KCND2: variants seen among roughly 807,000 people sequenced by gnomAD.
KCND2 encodes the protein A-type voltage-gated potassium channel KCND2.
In KCND2, 16 loss-of-function variants were observed where a neutral mutation model predicts 54.4. The observed-to-expected ratio is 0.29, with a 90% CI of 0.20 to 0.45. KCND2 has a LOEUF of 0.45. KCND2 is among the 20% of genes least tolerant of loss of function. The pLI, the probability that KCND2 is intolerant of heterozygous loss-of-function variation, is 1.00. For missense variants in KCND2, 486 were observed against 824.2 expected (o/e 0.59, Z 5.02); for synonymous variants, 317 against 310.7 (o/e 1.02, Z -0.21).
intron 1 of KCND2, among the ~76,000 whole-genome samples, chr7:120,447,782 C>T (rs1265773873): frequency 2.0e-5 from 3 of 151,992 alleles, no homozygotes; most frequent in Admixed American, 2.0e-4. Flanking sequence ...ATCTTAAATT[C>T]TTTTGGGTTT....
intron 1 of KCND2, among the ~76,000 whole-genome samples, chr7:120,568,788 A>G (rs1792329315): frequency 6.6e-6 from 1 of 152,142 alleles, no homozygotes; most frequent in South Asian, 2.1e-4. Context: ...GGATAAAACA[A>G]GTTAATTTAG....
intron 1 of KCND2, among the ~76,000 whole-genome samples, chr7:120,451,783 T>G (rs1365668578): frequency 7.9e-5 from 12 of 152,202 alleles, no homozygotes; most frequent in Admixed American, 7.9e-4. Flanking sequence ...CTGGTGCTGT[T>G]GTAACTCGTG....
At chr7:120,549,214 T>C (rs372778139) in intron 1 of KCND2, among the ~76,000 whole-genome samples, 1 of 152,186 alleles carries the variant, frequency 6.6e-6, no homozygotes, top group African/African-American at 2.4e-5. Flanking sequence ...AACTGTATTA[T>C]AATTGAGTGA....
chr7:120,469,000 G>A (rs1422853585), intron 1 of KCND2, among the ~76,000 whole-genome samples: 2 of 146,576 alleles, frequency 1.4e-5, no homozygotes, highest in Admixed American at 1.4e-4. Flanking sequence ...AAAGATCTTT[G>A]TGGTTATGGT....
chr7:120,453,812 C>T (rs1369262416), intron 1 of KCND2, among the ~76,000 whole-genome samples: 1 of 152,168 alleles, frequency 6.6e-6, no homozygotes, highest in Non-Finnish European at 1.5e-5. Flanking sequence ...AGAGTCCAGG[C>T]ACAATGGCTC....
rs955471534 is a variant in KCND2, at chr7:120,403,477, G to A, written c.1115+127730G>A. On this transcript the variant is annotated intron_variant, in intron 1 of 5. Coordinates refer to ENST00000331113, the MANE Select transcript of KCND2 (RefSeq NM_012281.3). ...ATTACAGGCGATGGCTACCAGGCCC[G>A]GCTAATTTTTTTTTTTTTTTTTTTG... Among the ~76,000 whole-genome samples, 6 of 145,368 alleles carry A rather than the reference G, an allele frequency of 4.1e-5. No individual in the cohort carries two copies. The East Asian group carries it at 8.9e-4, about 22-fold the overall frequency.
chr7:120,402,159 T>A (rs60376461), intron 1 of KCND2, among the ~76,000 whole-genome samples: 15,765 of 152,226 alleles, frequency 0.1, 855 homozygotes, highest in Admixed American at 0.13. Flanking sequence ...ATGCTTTGTA[T>A]TTCATTTATA....
intron 1 of KCND2, among the ~76,000 whole-genome samples, chr7:120,526,263 A>G (rs1031348369): frequency 6.6e-6 from 1 of 152,200 alleles, no homozygotes; most frequent in Non-Finnish European, 1.5e-5. Context: ...AAAACAGCAG[A>G]GTGTAGAAGG....
intron 1 of KCND2, among the ~76,000 whole-genome samples, chr7:120,323,252 T>C (rs1382892577): frequency 1.3e-5 from 2 of 152,110 alleles, no homozygotes; most frequent in Non-Finnish European, 2.9e-5. Context: ...GGTGTTTGGT[T>C]TTCTGTTCCT....
At chr7:120,316,538 A>C (rs186874084) in intron 1 of KCND2, among the ~76,000 whole-genome samples, 11 of 152,338 alleles carry the variant, frequency 7.2e-5, no homozygotes, top group African/African-American at 2.4e-4. Flanking sequence ...TATGTGTAAA[A>C]GTTTGGTATA....
At chr7:120,294,445 T>C (rs1584716588) in intron 1 of KCND2, among the ~76,000 whole-genome samples, 1 of 151,888 alleles carries the variant, frequency 6.6e-6, no homozygotes, top group Non-Finnish European at 1.5e-5. Flanking sequence ...CTGTAATCAT[T>C]TTTCTCCTAT....
chr7:120,358,289 G>T (rs759884416), intron 1 of KCND2, among the ~76,000 whole-genome samples: 1 of 152,088 alleles, frequency 6.6e-6, no homozygotes, highest in Non-Finnish European at 1.5e-5. Context: ...GCTCCTTGTG[G>T]TTAGAATTAT....
intron 1 of KCND2, among the ~76,000 whole-genome samples, chr7:120,476,119 A>G (rs1802530422): frequency 6.6e-6 from 1 of 152,244 alleles, no homozygotes; most frequent in Non-Finnish European, 1.5e-5. Flanking sequence ...GCATGCACAG[A>G]GGGAAAAATG....
At chr7:120,505,011 T>C (rs1450679274) in intron 1 of KCND2, among the ~76,000 whole-genome samples, 1 of 151,780 alleles carries the variant, frequency 6.6e-6, no homozygotes, top group Non-Finnish European at 1.5e-5. Context: ...GCCCAAACTC[T>C]GGTTAATATT....
chr7:120,748,170 T>G lies in KCND2; in HGVS notation c.*312T>G. 5.2e-6 allele frequency: 1 copy of G among 192,634 alleles called. No individual in the cohort carries two copies. The highest frequency in any genetic ancestry group is 1.1e-5 in the Non-Finnish European group (1 of 93,386). 11.9% of individuals were successfully genotyped at this position (192,634 alleles called of 1,614,324 possible). A position where few individuals can be genotyped will look rare whatever the true frequency, so the allele number is the denominator to read the frequency against. On this transcript the variant is annotated 3_prime_UTR_variant, in exon 6 of 6. Transcript: ENST00000331113. ...TAATAAAATAAATAACATAAATCGT[T>G]GAACATAATGTTCCAGTTGAATGCA...
chr7:120,731,255 G>A (rs544902941), intron 1 of KCND2, among the ~76,000 whole-genome samples: 77 of 152,216 alleles, frequency 5.1e-4, no homozygotes, highest in South Asian at 1.0e-3. Context: ...GATGAGGAGT[G>A]AAAAAATAAA....
chr7:120,405,653 T>C (rs1034344419), intron 1 of KCND2, among the ~76,000 whole-genome samples: 10 of 152,084 alleles, frequency 6.6e-5, no homozygotes, highest in Non-Finnish European at 1.5e-4. Flanking sequence ...ATCTGCAAAA[T>C]TTATAACTAT....
At position 120,683,475 on chromosome 7, in the gene KCND2, T is replaced by C. The variant is rs183259007; in HGVS notation, c.1116-49428T>C. Among the ~76,000 whole-genome samples the C allele has an allele frequency of 2.0e-3, 303 of 152,306 alleles. 2 individuals are homozygous for C. The highest frequency in any genetic ancestry group is 6.5e-3 in the African/African-American group (270 of 41,570). On this transcript the variant is annotated intron_variant, in intron 1 of 5. Transcript: ENST00000331113. ...TAATTTGAAAGATGCTGGTAGCATTTCTATAGTCTGTGCAAGAAATAGACA... is the reference window on the plus strand; with the variant it reads ...TAATTTGAAAGATGCTGGTAGCATTCCTATAGTCTGTGCAAGAAATAGACA...
chr7:120,584,784 TTTGGGTGAAAGATGCAATA>T (rs1792571502), intron 1 of KCND2, among the ~76,000 whole-genome samples: 1 of 152,136 alleles, frequency 6.6e-6, no homozygotes, highest in Non-Finnish European at 1.5e-5. Flanking sequence ...ACACACACAC[TTTGGGTGAAAGATGCAATA>T]TTAGTTAAAG....
Sources: allele counts gnomAD v4.1 joint callset (sites outside exome capture counted in the v4.1 genomes callset), GRCh38; gene constraint gnomAD v4.1.1; transcripts MANE v1.5; gene names NCBI Gene and HGNC (gene_info 2026-07-23, HGNC 2026-07-21).